The following KCNIP4 variants were observed in gnomAD, a reference collection of about 807,000 sequenced individuals.
The protein encoded by KCNIP4 is potassium voltage-gated channel interacting protein 4, also known as Kv channel-interacting protein 4.
In KCNIP4, 12 loss-of-function variants were observed where a neutral mutation model predicts 34.0. The observed-to-expected ratio is 0.35, with a 90% confidence interval of 0.23 to 0.57. KCNIP4 has a LOEUF of 0.57. Ranked by LOEUF, KCNIP4 falls within the 20% of genes least tolerant of loss-of-function variation. The pLI, the probability that KCNIP4 is intolerant of heterozygous loss-of-function variation, is 0.83. For missense variants in KCNIP4, 238 were observed against 311.7 expected, an observed-to-expected ratio of 0.76 and a Z score of 1.78; for synonymous variants, 124 against 102.2, an observed-to-expected ratio of 1.21 and a Z score of -1.29.
chr4:21,835,874 G>A (rs73804023), intron 1 of KCNIP4, among the ~76,000 whole-genome samples: 1,843 of 152,202 alleles, frequency 0.012, 43 homozygotes, highest in African/African-American at 0.042. Flanking sequence ...ACAGGAAATA[G>A]CTTCAGCAAG....
chr4:21,820,486 G>A (rs1052189387), intron 1 of KCNIP4, among the ~76,000 whole-genome samples: 1 of 151,766 alleles, frequency 6.6e-6, no homozygotes, highest in Admixed American at 6.6e-5. Context: ...AAGCACTTAA[G>A]CTATGCAAAA....
chr4:21,826,742 T>C (rs543533284), intron 1 of KCNIP4, among the ~76,000 whole-genome samples: 1 of 152,262 alleles, frequency 6.6e-6, no homozygotes, highest in South Asian at 2.1e-4. Flanking sequence ...ATCTGTGCTA[T>C]ACATAGCAAA....
At chr4:21,509,067 G>T (rs1734094138) in intron 1 of KCNIP4, among the ~76,000 whole-genome samples, 1 of 152,044 alleles carries the variant, frequency 6.6e-6, no homozygotes, top group African/African-American at 2.4e-5. Context: ...TCATGGAGTT[G>T]AGCTAGCAAA....
At chr4:21,831,849 A>G (rs192098171) in intron 1 of KCNIP4, among the ~76,000 whole-genome samples, 1 of 152,198 alleles carries the variant, frequency 6.6e-6, no homozygotes, top group Non-Finnish European at 1.5e-5. Context: ...AGGATACTGC[A>G]AGAAAAGAAA....
intron 1 of KCNIP4, among the ~76,000 whole-genome samples, chr4:21,373,787 C>A (rs1462106353): frequency 6.8e-6 from 1 of 146,994 alleles, no homozygotes; most frequent in African/African-American, 2.7e-5. Context: ...TTCACTGCAA[C>A]CTCTGCCTCC....
intron 1 of KCNIP4, among the ~76,000 whole-genome samples, chr4:20,937,176 C>CATA (rs1293083856): frequency 2.1e-5 from 3 of 145,004 alleles, no homozygotes; most frequent in Non-Finnish European, 4.5e-5. Flanking sequence ...TGCATAATCT[C>CATA]ATAAACACAT....
intron 1 of KCNIP4, among the ~76,000 whole-genome samples, chr4:20,990,213 C>T (rs1442920501): frequency 6.6e-6 from 1 of 152,132 alleles, no homozygotes; most frequent in African/African-American, 2.4e-5. Context: ...CTCAACATCA[C>T]CTCCACATTA....
chr4:20,770,605 G>T (rs1755784113), intron 3 of KCNIP4, among the ~76,000 whole-genome samples: 1 of 152,022 alleles, frequency 6.6e-6, no homozygotes. Flanking sequence ...ACTAACTGTG[G>T]CTTGAGAATA....
At chr4:20,818,894 T>C (rs557756483) in intron 3 of KCNIP4, among the ~76,000 whole-genome samples, 1 of 151,508 alleles carries the variant, frequency 6.6e-6, no homozygotes, top group South Asian at 2.1e-4. Flanking sequence ...ACAGGCACTA[T>C]GCTAGTCATT....
intron 1 of KCNIP4, among the ~76,000 whole-genome samples, chr4:21,675,489 T>G (rs1318039118): frequency 6.6e-6 from 1 of 152,198 alleles, no homozygotes; most frequent in Non-Finnish European, 1.5e-5. Context: ...CTTGAGGGGA[T>G]GGACACCCCA....
At chr4:21,522,206 G>T (rs1325447352) in intron 1 of KCNIP4, among the ~76,000 whole-genome samples, 5 of 151,890 alleles carry the variant, frequency 3.3e-5, no homozygotes, top group African/African-American at 1.2e-4. Flanking sequence ...TGACTGAGGA[G>T]ATTCATTTAA....
intron 1 of KCNIP4, among the ~76,000 whole-genome samples, chr4:21,591,181 T>C (rs1742189563): frequency 6.6e-6 from 1 of 151,994 alleles, no homozygotes; most frequent in African/African-American, 2.4e-5. Flanking sequence ...GCTACCCTAA[T>C]AGGTGTCATA....
At chr4:21,226,257 GGGA>G (rs1758381592) in intron 1 of KCNIP4, among the ~76,000 whole-genome samples, 2 of 115,320 alleles carry the variant, frequency 1.7e-5, no homozygotes, top group African/African-American at 3.4e-5. Flanking sequence ...GAGGGAGGGA[GGGA>G]GGGAGGGAGG....
At chr4:21,792,021 A>G (rs1426402199) in intron 1 of KCNIP4, among the ~76,000 whole-genome samples, 1 of 148,760 alleles carries the variant, frequency 6.7e-6, no homozygotes, top group Non-Finnish European at 1.5e-5. Flanking sequence ...AAAAAAAAAA[A>G]AAAAAAAACC....
At chr4:20,804,406 T>G (rs1421806923) in intron 3 of KCNIP4, among the ~76,000 whole-genome samples, 1 of 152,012 alleles carries the variant, frequency 6.6e-6, no homozygotes, top group African/African-American at 2.4e-5. Flanking sequence ...CAGTAGACAT[T>G]GTGAACATTT....
At chr4:20,941,334 C>T (rs1731618144) in intron 1 of KCNIP4, among the ~76,000 whole-genome samples, 1 of 152,108 alleles carries the variant, frequency 6.6e-6, no homozygotes, top group Non-Finnish European at 1.5e-5. Flanking sequence ...AAAGTTTTTC[C>T]TTGACTATAT....
At chr4:21,465,826 G>A (rs1478164829) in intron 1 of KCNIP4, among the ~76,000 whole-genome samples, 1 of 152,138 alleles carries the variant, frequency 6.6e-6, no homozygotes, top group Non-Finnish European at 1.5e-5. Context: ...CTGTGCTCTG[G>A]ACTTACATGT....
At chr4:20,744,458 T>C (rs1751949626) in intron 5 of KCNIP4, among the ~76,000 whole-genome samples, 1 of 151,216 alleles carries the variant, frequency 6.6e-6, no homozygotes, top group African/African-American at 2.5e-5. Flanking sequence ...TGAGTTCATG[T>C]CCTTTGTAGG....
At chr4:20,958,889 G>A (rs1010702959) in intron 1 of KCNIP4, among the ~76,000 whole-genome samples, 1 of 152,176 alleles carries the variant, frequency 6.6e-6, no homozygotes, top group African/African-American at 2.4e-5. Flanking sequence ...GTAAACTGAT[G>A]GACATACACA....
Sources: gnomAD v4.1 joint callset for allele counts (sites outside exome capture counted in the v4.1 genomes callset) on GRCh38, gnomAD v4.1.1 for gene constraint, MANE v1.5 for transcripts, NCBI Gene and HGNC (gene_info 2026-07-23, HGNC 2026-07-21) for gene names.